The following ABHD17C variants were observed in gnomAD, a reference collection of about 807,000 sequenced individuals.
ABHD17C encodes abhydrolase domain containing 17C, depalmitoylase.
In ABHD17C, 11 loss-of-function variants were observed where a neutral mutation model predicts 27.9. The observed-to-expected ratio is 0.39, with a 90% CI of 0.25 to 0.65. The LOEUF (loss-of-function observed/expected upper bound fraction) is 0.65, where lower values mean the gene tolerates loss of function less well. ABHD17C is among the 30% of genes least tolerant of loss of function. ABHD17C has a pLI of 0.45. For missense variants in ABHD17C, 280 were observed against 470.2 expected, an observed-to-expected ratio of 0.60 and a Z score of 3.74; for synonymous variants, 233 against 209.1, an observed-to-expected ratio of 1.11 and a Z score of -0.98.
chr15:80,722,448 T>G (rs1894909955), intron 1 of ABHD17C, among the ~76,000 whole-genome samples: 1 of 152,074 alleles, frequency 6.6e-6, no homozygotes, highest in Admixed American at 6.5e-5. Context: ...TATATACAAC[T>G]TGATGTATTT....
chr15:80,750,144 C>T (rs1414201501), intron 2 of ABHD17C, among the ~76,000 whole-genome samples: 2 of 152,130 alleles, frequency 1.3e-5, no homozygotes, highest in South Asian at 2.1e-4. Flanking sequence ...CTTACTTTTT[C>T]AGTTGGACAG....
chr15:80,754,128 C>G, intron 2 of ABHD17C, 23 bp from the exon 3 acceptor site: 320 of 1,536,064 alleles, frequency 2.1e-4, no homozygotes, highest in Non-Finnish European at 2.6e-4. Context: ...CCTCTTTCTG[C>G]CTCCCCCCTT....
intron 1 of ABHD17C, among the ~76,000 whole-genome samples, chr15:80,706,351 C>CA (rs1567030878): frequency 6.6e-6 from 1 of 152,126 alleles, no homozygotes; most frequent in East Asian, 1.9e-4. Context: ...AATGCTCAGA[C>CA]GGATAGTTAA....
chr15:80,751,463 C>T (rs1192354438), intron 2 of ABHD17C, among the ~76,000 whole-genome samples: 1 of 152,146 alleles, frequency 6.6e-6, no homozygotes, highest in Non-Finnish European at 1.5e-5. Context: ...AATTAGAGGA[C>T]AGGCACAGTG....
intron 1 of ABHD17C, among the ~76,000 whole-genome samples, chr15:80,721,830 T>G (rs1894901471): frequency 1.3e-5 from 2 of 151,996 alleles, no homozygotes; most frequent in South Asian, 4.1e-4. Flanking sequence ...CCTTCCTTGT[T>G]GTGGTAGACT....
intron 1 of ABHD17C, among the ~76,000 whole-genome samples, chr15:80,727,130 G>A (rs1894991673): frequency 6.6e-6 from 1 of 152,208 alleles, no homozygotes; most frequent in African/African-American, 2.4e-5. Flanking sequence ...TGTAGGGGGT[G>A]TGATGAATTC....
intron 1 of ABHD17C, among the ~76,000 whole-genome samples, chr15:80,744,105 T>C (rs1422175971): frequency 6.6e-6 from 1 of 151,764 alleles, no homozygotes; most frequent in African/African-American, 2.4e-5. Flanking sequence ...TGTCTCTTTT[T>C]TCCCCCCTCT....
intron 1 of ABHD17C, among the ~76,000 whole-genome samples, chr15:80,734,190 G>A (rs1414498906): frequency 6.6e-6 from 1 of 151,990 alleles, no homozygotes; most frequent in Non-Finnish European, 1.5e-5. Context: ...TCACCATGTT[G>A]CCCAGAGTGG....
intron 1 of ABHD17C, among the ~76,000 whole-genome samples, chr15:80,712,424 C>A (rs1346396936): frequency 1.3e-5 from 2 of 152,198 alleles, no homozygotes; most frequent in East Asian, 3.8e-4. Flanking sequence ...ATGTGTAGCC[C>A]AGCCAAGGAG....
At chr15:80,721,591 A>G (rs1567034094) in intron 1 of ABHD17C, among the ~76,000 whole-genome samples, 2 of 152,252 alleles carry the variant, frequency 1.3e-5, no homozygotes, top group Admixed American at 6.5e-5. Flanking sequence ...CGTAAATGCT[A>G]TCGTCATTGT....
At chr15:80,709,470 C>T (rs1395415453) in intron 1 of ABHD17C, among the ~76,000 whole-genome samples, 2 of 144,560 alleles carry the variant, frequency 1.4e-5, no homozygotes, top group Non-Finnish European at 3.0e-5. Context: ...GCCTGGGCAA[C>T]AAAGCGAGAC....
intron 1 of ABHD17C, among the ~76,000 whole-genome samples, chr15:80,715,071 G>T (rs1214048072): frequency 6.6e-6 from 1 of 152,098 alleles, no homozygotes; most frequent in Non-Finnish European, 1.5e-5. Flanking sequence ...GTGAGCCACC[G>T]CGCCCGGCCT....
intron 1 of ABHD17C, among the ~76,000 whole-genome samples, chr15:80,701,947 G>A (rs2759301): frequency 0.32 from 48,448 of 151,688 alleles, 9,481 homozygotes; most frequent in Non-Finnish European, 0.45. Context: ...TTGCCTCACC[G>A]TGTGGTTCGG....
chr15:80,718,614 A>T (rs1894842452), intron 1 of ABHD17C, among the ~76,000 whole-genome samples: 1 of 152,174 alleles, frequency 6.6e-6, no homozygotes, highest in Non-Finnish European at 1.5e-5. Flanking sequence ...GATTACAGGC[A>T]TGAGCCACCC....
In ABHD17C at chr15:80,726,517, T is replaced by G. The variant is rs1161062624; in HGVS notation, c.591-22996T>G. On this transcript the variant is annotated intron_variant, in intron 1 of 2. Coordinates refer to ENST00000258884, the MANE Select transcript of ABHD17C (RefSeq NM_021214.2). Reference sequence around the variant, plus strand: ...CTTTTTCTGGTTTTTTTTTTTTTTTTTTTTTTTTTTTTGAGACGGAGCCTT... The same window carrying G: ...CTTTTTCTGGTTTTTTTTTTTTTTTGTTTTTTTTTTTTGAGACGGAGCCTT... 4.0e-3 allele frequency among the ~76,000 whole-genome samples: 562 copies of G among 140,458 alleles called. 10 individuals are homozygous for G. Among genetic ancestry groups the G allele is most frequent in the African/African-American group, 0.015 (541 of 36,322 alleles). The allele number at this position is 140,458 out of a possible 152,430, so 92.1% of individuals were successfully genotyped here.
intron 1 of ABHD17C, among the ~76,000 whole-genome samples, chr15:80,746,521 G>T (rs555002223): frequency 6.6e-6 from 1 of 152,244 alleles, no homozygotes; most frequent in Non-Finnish European, 1.5e-5. Flanking sequence ...TTGTCACGAA[G>T]GATGTGAGTC....
intron 1 of ABHD17C, among the ~76,000 whole-genome samples, chr15:80,708,293 T>G (rs1567031283): frequency 6.6e-6 from 1 of 151,660 alleles, no homozygotes; most frequent in Non-Finnish European, 1.5e-5. Flanking sequence ...CTTCTCTATT[T>G]TTTTGTTTTG....
intron 1 of ABHD17C, among the ~76,000 whole-genome samples, chr15:80,713,354 C>CTTTTTTTT (rs67320992): frequency 0.04 from 1,761 of 43,874 alleles, 337 homozygotes; most frequent in South Asian, 0.053. Flanking sequence ...AGGTCTTGTT[C>CTTTTTTTT]TTTTTTTTTT....
chr15:80,721,066 A>G (rs1206324324), intron 1 of ABHD17C, among the ~76,000 whole-genome samples: 3 of 151,952 alleles, frequency 2.0e-5, no homozygotes, highest in African/African-American at 7.2e-5. Context: ...GTCTTTTATT[A>G]CAACTTCTAT....
Sources: allele counts gnomAD v4.1 joint callset (sites outside exome capture counted in the v4.1 genomes callset), GRCh38; gene constraint gnomAD v4.1.1; transcripts MANE v1.5; gene names NCBI Gene and HGNC (gene_info 2026-07-23, HGNC 2026-07-21).